PLEKHA7: variants seen among roughly 807,000 people sequenced by gnomAD.
The protein encoded by PLEKHA7 is pleckstrin homology domain containing A7, also known as pleckstrin homology domain-containing family A member 7.
PLEKHA7 carries 104 observed loss-of-function variants against 170.0 expected under a neutral mutation model. That is an observed-to-expected ratio of 0.61 (90% confidence interval 0.52 to 0.72). The LOEUF (loss-of-function observed/expected upper bound fraction) is 0.72. PLEKHA7 is among the 30% of genes least tolerant of loss of function. PLEKHA7 has a pLI of 0.00. For missense variants in PLEKHA7, 1,615 were observed against 1,671.7 expected, an observed-to-expected ratio of 0.97 and a Z score of 0.59; for synonymous variants, 648 against 660.8, an observed-to-expected ratio of 0.98 and a Z score of 0.30.
intron 3 of PLEKHA7, among the ~76,000 whole-genome samples, chr11:16,986,352 T>C (rs571046764): frequency 2.2e-4 from 33 of 152,232 alleles, no homozygotes; most frequent in Admixed American, 7.2e-4. Context: ...CAAGAATCTG[T>C]TACAAATCAC....
chr11:16,795,123 A>C lies in PLEKHA7; in HGVS notation c.2410-105T>G, dbSNP rs913349894. ...AGAGCCCCCCGCCCTGAGGGGCAGC[A>C]TCCCCTCTGGAAACCCCACTAGTGC... On this transcript the variant is annotated intron_variant, in intron 17 of 26. Transcript: ENST00000531066. The C allele has an allele frequency of 2.7e-5, 22 of 810,522 alleles. No homozygotes were observed. In the Admixed American group the frequency reaches 3.3e-4, roughly 12 times the overall value. The allele number at this position is 810,522 out of a possible 1,614,324, so 50.2% of individuals were successfully genotyped here. A position where few individuals can be genotyped will look rare whatever the true frequency, so the allele number is the denominator to read the frequency against.
intron 3 of PLEKHA7, among the ~76,000 whole-genome samples, chr11:16,909,662 C>G (rs185984565): frequency 1.1e-4 from 16 of 152,300 alleles, no homozygotes; most frequent in African/African-American, 3.8e-4. Flanking sequence ...CAGTTTCCTC[C>G]TCTGCAAACT....
At chr11:16,829,983 T>C (rs1242696146) in intron 9 of PLEKHA7, among the ~76,000 whole-genome samples, 2 of 151,910 alleles carry the variant, frequency 1.3e-5, no homozygotes, top group African/African-American at 4.8e-5. Flanking sequence ...CATTCTTTTT[T>C]TTTTTCTTTT....
rs201965905 is a variant in PLEKHA7, at chr11:16,971,213, AAGG to A, written c.221+42773_221+42775del. On this transcript the variant is annotated intron_variant, in intron 3 of 26. Coordinates refer to ENST00000531066, the MANE Select transcript of PLEKHA7 (RefSeq NM_001329630.2). Reference sequence around the variant, plus strand: ...CACAAGTCAATTTCTTCACCAATAAAAGGAGGAGAGTGACAATATAGCTTTGTA... The same window carrying A: ...CACAAGTCAATTTCTTCACCAATAAAAGGAGAGTGACAATATAGCTTTGTA... Among the ~76,000 whole-genome samples, 1,454 of 152,308 alleles carry A rather than the reference AAGG, an allele frequency of 9.5e-3. 11 individuals are homozygous for A. Among genetic ancestry groups the A allele is most frequent in the Non-Finnish European group, 0.015 (1,001 of 68,034 alleles).
intron 3 of PLEKHA7, among the ~76,000 whole-genome samples, chr11:16,878,380 G>C (rs955245852): frequency 6.6e-6 from 1 of 152,044 alleles, no homozygotes; most frequent in Non-Finnish European, 1.5e-5. Context: ...TAAACTCTAC[G>C]ATAGCTCTAC....
rs556927860 is a variant in PLEKHA7, at chr11:16,781,022, C to T, written c.3793+1732G>A. 5 of 986,194 alleles carry T rather than the reference C, an allele frequency of 5.1e-6. No homozygotes were observed. In the East Asian group the frequency reaches 4.5e-4, roughly 89 times the overall value. The allele number at this position is 986,194 out of a possible 1,614,324, so 61.1% of individuals were successfully genotyped here. On this transcript the variant is annotated intron_variant, in intron 26 of 26. Coordinates refer to ENST00000531066, the MANE Select transcript of PLEKHA7 (RefSeq NM_001329630.2). ...TGGCACCGTCCTGGAAGACAGGGGGCCTTTAGGCGGGAGGAGGGCCAGCTG... is the reference window on the plus strand; with the variant it reads ...TGGCACCGTCCTGGAAGACAGGGGGTCTTTAGGCGGGAGGAGGGCCAGCTG...
At chr11:17,009,692 G>A in intron 3 of PLEKHA7, among the ~76,000 whole-genome samples, 1 of 152,028 alleles carries the variant, frequency 6.6e-6, no homozygotes, top group Non-Finnish European at 1.5e-5. Flanking sequence ...CTGGAGTACA[G>A]TATCACAATC....
intron 3 of PLEKHA7, among the ~76,000 whole-genome samples, chr11:16,999,982 A>G (rs1047122842): frequency 2.6e-5 from 4 of 152,182 alleles, no homozygotes; most frequent in Non-Finnish European, 5.9e-5. Flanking sequence ...ACCAGATGCA[A>G]ACCCTAATAC....
chr11:16,797,713 G>A (rs1483193776), intron 17 of PLEKHA7, among the ~76,000 whole-genome samples: 1 of 152,210 alleles, frequency 6.6e-6, no homozygotes, highest in Non-Finnish European at 1.5e-5. Flanking sequence ...CCCAGGGCAT[G>A]TGTATGTAAG....
intron 3 of PLEKHA7, among the ~76,000 whole-genome samples, chr11:16,916,968 C>T (rs569740359): frequency 1.3e-5 from 2 of 152,284 alleles, no homozygotes; most frequent in African/African-American, 4.8e-5. Flanking sequence ...CCTGTAATCC[C>T]AACCCTTTGG....
intron 13 of PLEKHA7, among the ~76,000 whole-genome samples, chr11:16,810,304 C>G (rs564827495): frequency 6.6e-6 from 1 of 152,346 alleles, no homozygotes; most frequent in South Asian, 2.1e-4. Context: ...AAGTGGGACT[C>G]TCATCTTGGA....
chr11:16,791,083 C>A lies in PLEKHA7; in HGVS notation c.2862G>T (p.Arg954=), dbSNP rs1847816587. 1 of 1,614,176 alleles carries A rather than the reference C, an allele frequency of 6.2e-7. No homozygotes were observed. The highest frequency in any genetic ancestry group is 1.3e-5 in the African/African-American group (1 of 75,048). Residue 954 remains arginine, a synonymous_variant, in exon 20 of 27, where the codon CGG becomes CGT. Transcript: ENST00000531066. This position sits in a 1 kb window ranked among gnomAD's most constrained non-coding sequence, Gnocchi z 4.5. The part of the protein sequence containing the change: ...EATIIRHTSV[R]GLKRQSDERK... The stretch of plus-strand genomic sequence containing the variant: ...TCTCGTCTGACTGCCGCTTGAGGCC[C>A]CGCACAGATGTGTGCCGGATGATGG...
At position 16,999,751 on chromosome 11, in the gene PLEKHA7, T is replaced by G. The variant is rs76355496; in HGVS notation, c.221+14238A>C. ...CAGACAGGCTATCGCATTTCATTCTTAAATAACACTAGGGAGAAAAATATA... is the reference window on the plus strand; with the variant it reads ...CAGACAGGCTATCGCATTTCATTCTGAAATAACACTAGGGAGAAAAATATA... On this transcript the variant is annotated intron_variant, in intron 3 of 26. Transcript: ENST00000531066. Among the ~76,000 whole-genome samples the G allele has an allele frequency of 5.8e-4, 89 of 152,312 alleles. 1 individual carries two copies. The East Asian group carries it at 0.013, about 22-fold the overall frequency.
In PLEKHA7 at chr11:16,998,101, T is replaced by C. The variant is rs559586681; in HGVS notation, c.221+15888A>G. 5.3e-5 allele frequency among the ~76,000 whole-genome samples: 8 copies of C among 152,250 alleles called. No individual in the cohort carries two copies. In the East Asian group the frequency reaches 9.6e-4, roughly 18 times the overall value. ...TGATAACCGTACCTACCTTATAAGG[T>C]TGGCATGAGGATTAAAGGAGGCTGT... On this transcript the variant is annotated intron_variant, in intron 3 of 26. Transcript: ENST00000531066.
intron 6 of PLEKHA7, among the ~76,000 whole-genome samples, chr11:16,854,034 C>T (rs1296005629): frequency 6.6e-6 from 1 of 152,200 alleles, no homozygotes; most frequent in East Asian, 1.9e-4. Context: ...ATCTGCTTCT[C>T]CTGGTAGCTG....
intron 3 of PLEKHA7, among the ~76,000 whole-genome samples, chr11:17,008,010 A>G (rs1486206968): frequency 6.6e-6 from 1 of 152,070 alleles, no homozygotes; most frequent in Non-Finnish European, 1.5e-5. Flanking sequence ...TTCATTTTAC[A>G]CTGAGGCTCT....
chr11:16,874,282 G>A (rs935455316), intron 3 of PLEKHA7, among the ~76,000 whole-genome samples: 3 of 152,134 alleles, frequency 2.0e-5, no homozygotes, highest in Non-Finnish European at 4.4e-5. Flanking sequence ...TGGGGCGGGT[G>A]AATCACTTAA....
At chr11:16,780,246 T>C (rs1469115097) in intron 26 of PLEKHA7, among the ~76,000 whole-genome samples, 2 of 152,238 alleles carry the variant, frequency 1.3e-5, no homozygotes, top group African/African-American at 4.8e-5. Context: ...CTGGACCAGA[T>C]GCCAGCCTCC....
chr11:16,909,416 T>C (rs1159495490), intron 3 of PLEKHA7, among the ~76,000 whole-genome samples: 1 of 152,148 alleles, frequency 6.6e-6, no homozygotes, highest in African/African-American at 2.4e-5. Context: ...ATTCTATCCA[T>C]AAATTACTGA....
Sources: allele counts gnomAD v4.1 joint callset (sites outside exome capture counted in the v4.1 genomes callset), GRCh38; gene constraint gnomAD v4.1.1; non-coding constraint Gnocchi (gnomAD v3.1); transcripts MANE v1.5; gene names NCBI Gene and HGNC (gene_info 2026-07-23, HGNC 2026-07-21).